The following MARK1 variants were observed in gnomAD, a reference collection of about 807,000 sequenced individuals.
MARK1 encodes microtubule affinity regulating kinase 1, also known as serine/threonine-protein kinase MARK1.
In MARK1, 40 loss-of-function variants were observed where a neutral mutation model predicts 96.3. That is an observed-to-expected ratio of 0.42 (90% confidence interval 0.32 to 0.54). The LOEUF (loss-of-function observed/expected upper bound fraction) is 0.54. Among genes scored for constraint, MARK1 ranks in the 20% least tolerant of loss-of-function variants. MARK1 has a pLI of 0.16. For missense variants in MARK1, 719 were observed against 984.6 expected (o/e 0.73, Z 3.61); for synonymous variants, 317 against 341.2 (o/e 0.93, Z 0.78).
chr1:220,626,387 A>T lies in MARK1; in HGVS notation c.910-4648A>T, dbSNP rs1427920777. The T allele has an allele frequency of 1.6e-5, 9 of 549,460 alleles. No homozygotes were observed. In the East Asian group the frequency reaches 4.4e-4, roughly 27 times the overall value. 34.0% of individuals were successfully genotyped at this position (549,460 alleles called of 1,614,324 possible). On this transcript the variant is annotated intron_variant, in intron 9 of 17. Transcript: ENST00000366917. ...GATCTACAGGATATTGGGGCTGGCA[A>T]AGGCAAGTATTATGCTGTTAACTAC...
chr1:220,535,951 C>T (rs911479191), intron 1 of MARK1, among the ~76,000 whole-genome samples: 2 of 152,148 alleles, frequency 1.3e-5, no homozygotes, highest in African/African-American at 4.8e-5. Context: ...TGTGAGGCTT[C>T]TAACTTTGTT....
chr1:220,643,312 G>T (rs141112696), intron 13 of MARK1, among the ~76,000 whole-genome samples: 1 of 152,210 alleles, frequency 6.6e-6, no homozygotes, highest in East Asian at 1.9e-4. Context: ...AGCAACAGCC[G>T]AATAGACCAA....
Position 220,615,934 on chromosome 1 carries a change from TC to T in MARK1, c.496-3del. The T allele has an allele frequency of 6.6e-7, 1 of 1,514,730 alleles. No individual in the cohort carries two copies. Among genetic ancestry groups the T allele is most frequent in the Non-Finnish European group, 9.1e-7 (1 of 1,103,562 alleles). 93.8% of individuals were successfully genotyped at this position (1,514,730 alleles called of 1,614,324 possible). A position where few individuals can be genotyped will look rare whatever the true frequency, so the allele number is the denominator to read the frequency against. On this transcript the variant is annotated splice_polypyrimidine_tract_variant and splice_region_variant and intron_variant, in intron 6 of 17. Transcript: ENST00000366917. ...TTGACTCTTTTATCCAAATGTTTAT[TC>T]CAGATTGTATCTGCTGTACAGTATT...
In MARK1 at chr1:220,635,412, T is replaced by C. The variant is rs1378659660; in HGVS notation, c.1159T>C (p.Cys387Arg). ...TGAATCGTTATCCAGTGGAAACTTG[T>C]GTCAGAGGTCCCGGCCCAGTAGTGA... ...GGESLSSGNL[C>R]QRSRPSSDLN... The change falls in exon 12 of 18, where the codon TGT (cysteine) becomes CGT (arginine). Residue 387 changes from cysteine (C) to arginine (R), a missense_variant. Coordinates refer to ENST00000366917, the MANE Select transcript of MARK1 (RefSeq NM_018650.5). 1 of 1,612,188 alleles carries C rather than the reference T, an allele frequency of 6.2e-7. No individual in the cohort carries two copies. Among genetic ancestry groups the C allele is most frequent in the African/African-American group, 1.3e-5 (1 of 74,692 alleles).
chr1:220,592,691 C>T (rs749397873), intron 3 of MARK1, among the ~76,000 whole-genome samples: 22 of 152,148 alleles, frequency 1.4e-4, no homozygotes, highest in Non-Finnish European at 3.2e-4. Flanking sequence ...TAAACTATTT[C>T]CAGTGGTAAC....
intron 1 of MARK1, among the ~76,000 whole-genome samples, chr1:220,574,233 A>G (rs1359645152): frequency 6.6e-6 from 1 of 152,222 alleles, no homozygotes; most frequent in African/African-American, 2.4e-5. Context: ...GCTTGACTCA[A>G]ACTTCAAATT....
chr1:220,585,995 A>ACGCG (rs1424781568), intron 3 of MARK1, among the ~76,000 whole-genome samples: 56 of 23,506 alleles, frequency 2.4e-3, no homozygotes, highest in African/African-American at 3.1e-3. Flanking sequence ...ACACACACAC[A>ACGCG]CACACACACA....
At chr1:220,557,098 A>T (rs1662319686) in intron 1 of MARK1, among the ~76,000 whole-genome samples, 1 of 152,194 alleles carries the variant, frequency 6.6e-6, no homozygotes, top group Admixed American at 6.5e-5. Flanking sequence ...ATACCTATGG[A>T]ATGGCAAACT....
chr1:220,536,413 T>C (rs200362936), intron 1 of MARK1, among the ~76,000 whole-genome samples: 29 of 151,668 alleles, frequency 1.9e-4, no homozygotes, highest in East Asian at 5.8e-4. Flanking sequence ...TTTTTTTTTT[T>C]CCCACACAAT....
chr1:220,611,470 G>A (rs1489836766), intron 6 of MARK1, among the ~76,000 whole-genome samples: 1 of 152,152 alleles, frequency 6.6e-6, no homozygotes, highest in South Asian at 2.1e-4. Context: ...GTTTTTCCAG[G>A]TAGTCTGTCA....
intron 3 of MARK1, among the ~76,000 whole-genome samples, chr1:220,589,428 C>T (rs932524630): frequency 2.0e-5 from 3 of 152,182 alleles, no homozygotes; most frequent in African/African-American, 7.2e-5. Flanking sequence ...TATTGATTGA[C>T]ACTAATGGAG....
intron 1 of MARK1, among the ~76,000 whole-genome samples, chr1:220,533,814 A>G (rs1034371322): frequency 6.6e-6 from 1 of 152,168 alleles, no homozygotes; most frequent in African/African-American, 2.4e-5. Flanking sequence ...TCTGTTCTGC[A>G]TAGTATTTCT....
intron 6 of MARK1, among the ~76,000 whole-genome samples, chr1:220,613,427 T>C (rs751779819): frequency 6.6e-6 from 1 of 152,194 alleles, no homozygotes; most frequent in Non-Finnish European, 1.5e-5. Context: ...GAAGTACTTA[T>C]AGAACTGTTT....
At chr1:220,626,374 A>G in intron 9 of MARK1, 1 of 550,202 alleles carries the variant, frequency 1.8e-6, no homozygotes, top group South Asian at 1.4e-5. Context: ...TCTACAGGAT[A>G]TTGGGGCTGG....
intron 11 of MARK1, among the ~76,000 whole-genome samples, chr1:220,632,708 A>T (rs1004445527): frequency 2.6e-5 from 4 of 152,202 alleles, no homozygotes; most frequent in African/African-American, 9.7e-5. Context: ...AAGGATTTTT[A>T]AAAGAGGTAA....
chr1:220,608,218 G>T (rs1666207767), intron 6 of MARK1, among the ~76,000 whole-genome samples: 2 of 152,016 alleles, frequency 1.3e-5, no homozygotes, highest in South Asian at 4.2e-4. Flanking sequence ...ATTAATTATT[G>T]CCTCAATTTC....
At chr1:220,552,695 A>T (rs909390312) in intron 1 of MARK1, among the ~76,000 whole-genome samples, 1 of 152,230 alleles carries the variant, frequency 6.6e-6, no homozygotes, top group African/African-American at 2.4e-5. Context: ...AGGTTTTGTC[A>T]TAGCATTGTG....
intron 1 of MARK1, among the ~76,000 whole-genome samples, chr1:220,558,373 A>G (rs969536966): frequency 2.6e-5 from 4 of 151,606 alleles, no homozygotes; most frequent in African/African-American, 9.7e-5. Flanking sequence ...TGGATAGAAG[A>G]AAAAGAAAAA....
Position 220,618,274 on chromosome 1 carries a change from C to A in MARK1, c.553-36C>A. ...TACAAATATTTTTATTTTATGTAGG[C>A]TTTTTACATTGTTCTTTCTATTATT... On this transcript the variant is annotated intron_variant, in intron 7 of 17. Transcript: ENST00000366917. The surrounding 1 kb of genome is among the most constrained non-coding windows in gnomAD (Gnocchi z 4.6). 1 of 1,279,770 alleles carries A rather than the reference C, an allele frequency of 7.8e-7. No homozygotes were observed. The highest frequency in any genetic ancestry group is 1.1e-6 in the Non-Finnish European group (1 of 885,244). The allele number at this position is 1,279,770 out of a possible 1,614,324, so 79.3% of individuals were successfully genotyped here. A position where few individuals can be genotyped will look rare whatever the true frequency, so the allele number is the denominator to read the frequency against.
Sources: allele counts gnomAD v4.1 joint callset (sites outside exome capture counted in the v4.1 genomes callset), GRCh38; gene constraint gnomAD v4.1.1; non-coding constraint Gnocchi (gnomAD v3.1); transcripts MANE v1.5; gene names NCBI Gene and HGNC (gene_info 2026-07-23, HGNC 2026-07-21).